The following COL5A2 variants were observed in gnomAD, a reference collection of about 807,000 sequenced individuals.
COL5A2 encodes the protein collagen type V alpha 2 chain.
COL5A2 carries 23 observed loss-of-function variants against 208.2 expected under a neutral mutation model. The ratio of observed to expected loss-of-function variants is 0.11; its 90% confidence interval spans 0.08 to 0.16. The LOEUF (loss-of-function observed/expected upper bound fraction) is 0.16. Among genes scored for constraint, COL5A2 ranks in the 10% least tolerant of loss-of-function variants. The probability of loss-of-function intolerance (pLI) is 1.00; values close to 1 mark genes in which losing one functional copy is unlikely to be tolerated. For missense variants in COL5A2, 1,590 were observed against 1,956.4 expected, an observed-to-expected ratio of 0.81 and a Z score of 3.53; for synonymous variants, 625 against 628.5, an observed-to-expected ratio of 0.99 and a Z score of 0.08.
At chr2:189,387,687 G>A in the COL5A2 span, among the ~76,000 whole-genome samples, 4 of 152,186 alleles carry the variant, frequency 2.6e-5, no homozygotes, top group Non-Finnish European at 5.9e-5. Flanking sequence ...AGGTTAAGAT[G>A]TTTATGCTCG....
At chr2:189,207,605 T>C (rs1015837755) in intron 1 of COL5A2, among the ~76,000 whole-genome samples, 2 of 152,154 alleles carry the variant, frequency 1.3e-5, no homozygotes, top group Non-Finnish European at 2.9e-5. Flanking sequence ...ATAAATACAA[T>C]ACAATGAAAT....
At chr2:189,334,666 T>C in the COL5A2 span, among the ~76,000 whole-genome samples, 1 of 152,098 alleles carries the variant, frequency 6.6e-6, no homozygotes, top group African/African-American at 2.4e-5. Flanking sequence ...CCCAAATTGA[T>C]AGATAGGTTT....
the COL5A2 span, among the ~76,000 whole-genome samples, chr2:189,332,437 T>A: frequency 1.3e-5 from 2 of 152,156 alleles, no homozygotes; most frequent in African/African-American, 4.8e-5. Flanking sequence ...ACCATACAGT[T>A]TGGCTGTGTC....
chr2:189,081,357 G>C (rs1408852346), intron 12 of COL5A2, among the ~76,000 whole-genome samples: 1 of 152,016 alleles, frequency 6.6e-6, no homozygotes, highest in Non-Finnish European at 1.5e-5. Context: ...AACAAAACAA[G>C]AACATAAGCA....
chr2:189,064,638 C>T lies in COL5A2; in HGVS notation c.1635G>A (p.Arg545=). ...TGGGTCCTGAAGAACCTACAGGACC[C>T]CGTTCTCCTTGAGCACCCTGTACCG... ...LPGPKGAQGE[R]GPVGSSGPKG... is the part of the protein sequence containing the mutation. Residue 545 remains arginine, a synonymous_variant, in exon 25 of 54, where the codon CGG becomes CGA. Coordinates refer to ENST00000374866, the MANE Select transcript of COL5A2 (RefSeq NM_000393.5). 1 of 1,613,672 alleles carries T rather than the reference C, an allele frequency of 6.2e-7. No homozygotes were observed.
the COL5A2 span, among the ~76,000 whole-genome samples, chr2:189,252,854 T>C: frequency 3.9e-5 from 6 of 152,196 alleles, no homozygotes; most frequent in South Asian, 2.1e-4. Flanking sequence ...TATTTTAGTA[T>C]AGCTGGGACA....
chr2:189,437,708 A>G, the COL5A2 span, among the ~76,000 whole-genome samples: 411 of 152,332 alleles, frequency 2.7e-3, 1 homozygote, highest in Admixed American at 5.4e-3. Context: ...TTTCAGCATC[A>G]TAGGAAACCT....
the COL5A2 span, among the ~76,000 whole-genome samples, chr2:189,252,807 A>T: frequency 6.6e-6 from 1 of 152,150 alleles, no homozygotes; most frequent in Admixed American, 6.5e-5. Context: ...AAAAAATAAA[A>T]AGACTCTAGA....
At chr2:189,388,885 A>T in the COL5A2 span, among the ~76,000 whole-genome samples, 1 of 152,170 alleles carries the variant, frequency 6.6e-6, no homozygotes. Context: ...AGGCACTGAT[A>T]CTAATCAAGA....
the COL5A2 span, among the ~76,000 whole-genome samples, chr2:189,293,942 GC>G: frequency 7.9e-5 from 12 of 152,216 alleles, no homozygotes; most frequent in African/African-American, 2.6e-4. Flanking sequence ...CAAAAAATTA[GC>G]CGGGCATGGT....
intron 1 of COL5A2, among the ~76,000 whole-genome samples, chr2:189,151,323 G>A (rs1688137468): frequency 6.6e-6 from 1 of 151,976 alleles, no homozygotes. Context: ...TGTTATAGTA[G>A]GTCTTTAAAT....
At chr2:189,285,501 T>A in the COL5A2 span, among the ~76,000 whole-genome samples, 3 of 152,044 alleles carry the variant, frequency 2.0e-5, no homozygotes, top group South Asian at 2.1e-4. Context: ...AAAAATCTCA[T>A]AAGATGAGCA....
chr2:189,082,667 T>C (rs1248128266), intron 12 of COL5A2, among the ~76,000 whole-genome samples: 2 of 152,218 alleles, frequency 1.3e-5, no homozygotes, highest in Non-Finnish European at 2.9e-5. Context: ...CTCATAAAAA[T>C]TCTCATTCTG....
chr2:189,333,530 T>C, the COL5A2 span, among the ~76,000 whole-genome samples: 5 of 152,114 alleles, frequency 3.3e-5, no homozygotes, highest in African/African-American at 4.8e-5. Context: ...ATGTTATGAG[T>C]TGAATTGTCT....
chr2:189,134,074 A>G (rs1687779012), intron 1 of COL5A2, among the ~76,000 whole-genome samples: 1 of 152,132 alleles, frequency 6.6e-6, no homozygotes, highest in Admixed American at 6.5e-5. Context: ...TTTGGAATCA[A>G]TACAGGTTGT....
At chr2:189,172,799 T>C (rs1688596426) in intron 1 of COL5A2, among the ~76,000 whole-genome samples, 1 of 151,538 alleles carries the variant, frequency 6.6e-6, no homozygotes, top group Non-Finnish European at 1.5e-5. Flanking sequence ...AAATAAAAGG[T>C]AAAAAGGGGT....
chr2:189,397,466 A>G, the COL5A2 span, among the ~76,000 whole-genome samples: 1 of 152,190 alleles, frequency 6.6e-6, no homozygotes, highest in Middle Eastern at 3.2e-3. Flanking sequence ...GTAAGACTGA[A>G]TCCTAGTAGG....
Position 189,051,357 on chromosome 2 carries a change from G to C in COL5A2, c.2894C>G (p.Pro965Arg). The change falls in exon 42 of 54, where the codon CCA becomes CGA. Residue 965 changes from proline to arginine, a missense_variant. Physicochemically the swap from Pro to Arg is moderately radical, Grantham distance 103. Transcript: ENST00000374866. Reference sequence around the variant, plus strand: ...TTCTCCTGGGTCCCCTTTGTCTCCTGGGCCACCAGGGGGGCCAGCTGGTCC... The same window carrying C: ...TTCTCCTGGGTCCCCTTTGTCTCCTCGGCCACCAGGGGGGCCAGCTGGTCC... Reference protein sequence around the residue: ...DRGPAGPPGGPGDKGDPGEDG... With the variant: ...DRGPAGPPGGRGDKGDPGEDG... 1 of 1,614,030 alleles carries C rather than the reference G, an allele frequency of 6.2e-7. No individual in the cohort carries two copies. The highest frequency in any genetic ancestry group is 1.1e-5 in the South Asian group (1 of 91,068).
chr2:189,047,076 C>T (rs1559077535), intron 45 of COL5A2, among the ~76,000 whole-genome samples: 1 of 149,506 alleles, frequency 6.7e-6, no homozygotes, highest in Non-Finnish European at 1.5e-5. Flanking sequence ...GAGACGAGAT[C>T]GTGTCACTGC....
Sources: allele counts gnomAD v4.1 joint callset (sites outside exome capture counted in the v4.1 genomes callset), GRCh38; gene constraint gnomAD v4.1.1; transcripts MANE v1.5; gene names NCBI Gene and HGNC (gene_info 2026-07-23, HGNC 2026-07-21).